The following STK32B variants were observed in gnomAD, a reference collection of about 807,000 sequenced individuals.
STK32B encodes serine/threonine-protein kinase 32B.
A neutral mutation model predicts 52.6 loss-of-function variants in STK32B; 43 were observed. That is an observed-to-expected ratio of 0.82 (90% CI 0.64 to 1.05). The LOEUF (loss-of-function observed/expected upper bound fraction) is 1.05. STK32B is among the 50% of genes least tolerant of loss of function. The pLI, the probability that STK32B is intolerant of heterozygous loss-of-function variation, is 0.00. For synonymous variants in STK32B, 238 were observed against 204.3 expected (o/e 1.17, Z -1.41); for missense variants, 621 against 534.6 (o/e 1.16, Z -1.59).
intron 11 of STK32B, among the ~76,000 whole-genome samples, chr4:5,494,720 T>C (rs1336154070): frequency 6.6e-6 from 1 of 151,678 alleles, no homozygotes; most frequent in Non-Finnish European, 1.5e-5. Context: ...CTACCAGTTG[T>C]TCCTTTCCAT....
At chr4:5,317,153 A>G (rs111216225) in intron 3 of STK32B, among the ~76,000 whole-genome samples, 1 of 42,832 alleles carries the variant, frequency 2.3e-5, no homozygotes, top group East Asian at 9.4e-4. Flanking sequence ...TGTATAATAT[A>G]CATATTACAT....
intron 4 of STK32B, among the ~76,000 whole-genome samples, chr4:5,337,561 A>G (rs1732790885): frequency 6.6e-6 from 1 of 152,190 alleles, no homozygotes; most frequent in South Asian, 2.1e-4. Flanking sequence ...CCTCACATGT[A>G]TACCATGACC....
At chr4:5,335,198 A>C (rs1445390336) in intron 4 of STK32B, among the ~76,000 whole-genome samples, 1 of 152,138 alleles carries the variant, frequency 6.6e-6, no homozygotes, top group African/African-American at 2.4e-5. Context: ...TTCCTGGTTT[A>C]GTCTTGGGAG....
chr4:5,169,565 A>C (rs1463675660), intron 3 of STK32B, among the ~76,000 whole-genome samples: 6 of 152,104 alleles, frequency 3.9e-5, no homozygotes, highest in Non-Finnish European at 5.9e-5. Context: ...TGAGAAAATC[A>C]AGGTGTGCGT....
chr4:5,177,775 A>G (rs79147970), intron 3 of STK32B, among the ~76,000 whole-genome samples: 28,598 of 152,242 alleles, frequency 0.19, 3,386 homozygotes, highest in East Asian at 0.31. Context: ...CCAACAGGGC[A>G]GTCATTAAAC....
chr4:5,103,383 G>A (rs774293324), intron 1 of STK32B, among the ~76,000 whole-genome samples: 22 of 152,058 alleles, frequency 1.4e-4, no homozygotes, highest in Non-Finnish European at 2.9e-4. Flanking sequence ...AGAAGGATAT[G>A]TCTTATTTTT....
intron 4 of STK32B, among the ~76,000 whole-genome samples, chr4:5,345,114 G>A (rs1392603875): frequency 6.6e-6 from 1 of 151,076 alleles, no homozygotes; most frequent in Admixed American, 6.6e-5. Flanking sequence ...GATAAGTATA[G>A]AAATGCTAAT....
At chr4:5,421,294 G>A (rs1226110786) in intron 6 of STK32B, among the ~76,000 whole-genome samples, 1 of 151,718 alleles carries the variant, frequency 6.6e-6, no homozygotes, top group Non-Finnish European at 1.5e-5. Flanking sequence ...GTTTCACTGT[G>A]TTAGCCAGGA....
chr4:5,105,810 G>A (rs868592825), intron 1 of STK32B, among the ~76,000 whole-genome samples: 4 of 151,798 alleles, frequency 2.6e-5, no homozygotes, highest in African/African-American at 4.8e-5. Context: ...TGATCCACCC[G>A]CCTCGGCCAC....
intron 3 of STK32B, among the ~76,000 whole-genome samples, chr4:5,274,286 A>G (rs939850556): frequency 3.3e-5 from 5 of 152,228 alleles, no homozygotes; most frequent in African/African-American, 1.2e-4. Context: ...GAGACACACA[A>G]ATAGATCAAT....
intron 1 of STK32B, among the ~76,000 whole-genome samples, chr4:5,073,428 TTTC>T (rs1196622661): frequency 3.3e-5 from 5 of 152,066 alleles, no homozygotes. Flanking sequence ...TCCCATTTGT[TTTC>T]TTATTTTGTA....
chr4:5,407,863 TA>T (rs1440678806), intron 5 of STK32B, among the ~76,000 whole-genome samples: 2 of 152,082 alleles, frequency 1.3e-5, no homozygotes, highest in South Asian at 2.1e-4. Context: ...AACACAGACG[TA>T]AACCGTATCA....
At position 5,430,216 on chromosome 4, in the gene STK32B, C is replaced by T. The variant is rs114648166; in HGVS notation, c.562+13282C>T. Among the ~76,000 whole-genome samples the T allele has an allele frequency of 9.2e-3, 1,404 of 152,212 alleles. 25 individuals carry two copies. Among genetic ancestry groups the T allele is most frequent in the African/African-American group, 0.032 (1,333 of 41,522 alleles). ...CTACTCTGCTTCTGGGATTTCAAAA[C>T]CCGAAGTGAGATGTTTGATATTTTC... On this transcript the variant is annotated intron_variant, in intron 6 of 11. Coordinates refer to ENST00000282908, the MANE Select transcript of STK32B (RefSeq NM_018401.3).
intron 1 of STK32B, among the ~76,000 whole-genome samples, chr4:5,078,325 A>G (rs16836608): frequency 0.078 from 11,829 of 152,242 alleles, 545 homozygotes; most frequent in South Asian, 0.16. Context: ...AAAGAAAACC[A>G]GGAAGAAATT....
chr4:5,139,867 CA>C, intron 1 of STK32B, 37 bp from the exon 2 acceptor site: 1 of 1,613,212 alleles, frequency 6.2e-7, no homozygotes, highest in South Asian at 1.1e-5. Context: ...CCAGGTTTAG[CA>C]AATCTGACTT....
At chr4:5,372,720 TGGG>T (rs5855850) in intron 4 of STK32B, among the ~76,000 whole-genome samples, 1 of 127,106 alleles carries the variant, frequency 7.9e-6, no homozygotes, top group African/African-American at 3.0e-5. Flanking sequence ...AGGAGAAAGT[TGGG>T]GGGGGGGGCG....
intron 3 of STK32B, among the ~76,000 whole-genome samples, chr4:5,255,097 T>A (rs1029924620): frequency 2.0e-5 from 3 of 152,118 alleles, no homozygotes. Flanking sequence ...TATTAATCAA[T>A]TAAACAGCAG....
intron 2 of STK32B, among the ~76,000 whole-genome samples, chr4:5,144,776 TCATTCACTCATC>T (rs895344089): frequency 1.8e-5 from 2 of 112,854 alleles, no homozygotes; most frequent in African/African-American, 3.4e-5. Flanking sequence ...GTTAATTCAC[TCATTCACTCATC>T]CATCCATCCA....
intron 3 of STK32B, among the ~76,000 whole-genome samples, chr4:5,229,760 C>T (rs148329277): frequency 4.5e-4 from 68 of 151,928 alleles, no homozygotes; most frequent in African/African-American, 1.5e-3. Flanking sequence ...AAATTATTTC[C>T]TAAACGAACA....
Sources: gnomAD v4.1 joint callset for allele counts (sites outside exome capture counted in the v4.1 genomes callset) on GRCh38, gnomAD v4.1.1 for gene constraint, MANE v1.5 for transcripts, NCBI Gene and HGNC (gene_info 2026-07-23, HGNC 2026-07-21) for gene names.